Variants in PTPRD observed in about 807,000 individuals in gnomAD.
The protein encoded by PTPRD is protein tyrosine phosphatase receptor type D.
A neutral mutation model predicts 214.5 loss-of-function variants in PTPRD; 34 were observed. The observed-to-expected ratio is 0.16, with a 90% CI of 0.12 to 0.21. PTPRD has a LOEUF of 0.21. PTPRD is among the 10% of genes least tolerant of loss of function. The pLI, the probability that PTPRD is intolerant of heterozygous loss-of-function variation, is 1.00. For synonymous variants in PTPRD, 1,128 were observed against 845.7 expected (o/e 1.33, Z -5.79); for missense variants, 2,545 against 2,398.7 (o/e 1.06, Z -1.27).
intron 12 of PTPRD, among the ~76,000 whole-genome samples, chr9:8,638,842 TTTTA>T (rs1020074304): frequency 6.6e-6 from 1 of 152,010 alleles, no homozygotes; most frequent in Non-Finnish European, 1.5e-5. Context: ...TTTTATTTAT[TTTTA>T]TTTATTTATT....
At chr9:9,616,341 A>G (rs2094859531) in intron 7 of PTPRD, among the ~76,000 whole-genome samples, 1 of 152,172 alleles carries the variant, frequency 6.6e-6, no homozygotes, top group Non-Finnish European at 1.5e-5. Flanking sequence ...TGGCAAGCCT[A>G]CAAGAGAAGT....
intron 2 of PTPRD, among the ~76,000 whole-genome samples, chr9:10,377,611 G>C (rs1456972375): frequency 6.6e-6 from 1 of 151,962 alleles, no homozygotes. Flanking sequence ...TCCCTACAAA[G>C]GACATGAACT....
In PTPRD at chr9:9,944,899, G is replaced by A. The variant is rs149378642; in HGVS notation, c.-471-6289C>T. Among the ~76,000 whole-genome samples, 445 of 152,152 alleles carry A rather than the reference G, an allele frequency of 2.9e-3. 2 individuals are homozygous for A. Among genetic ancestry groups the A allele is most frequent in the Non-Finnish European group, 4.6e-3 (315 of 67,986 alleles). On this transcript the variant is annotated intron_variant, in intron 4 of 45. Transcript: ENST00000381196. ...GTCCAGTTTGGCCAGATGTAGAGAT[G>A]AGACTGAAGGAAGTTAAAATGAGAA...
intron 8 of PTPRD, among the ~76,000 whole-genome samples, chr9:9,439,316 A>G (rs929868567): frequency 6.6e-6 from 1 of 152,170 alleles, no homozygotes; most frequent in Non-Finnish European, 1.5e-5. Context: ...CATGCATAAC[A>G]TACTCTGATG....
chr9:8,858,779 A>AGGTG (rs1273379410), intron 11 of PTPRD, among the ~76,000 whole-genome samples: 1 of 146,480 alleles, frequency 6.8e-6, no homozygotes, highest in Non-Finnish European at 1.5e-5. Flanking sequence ...CAGGCAGGAG[A>AGGTG]GGTGGGTGAA....
At chr9:8,453,933 C>T (rs1258895576) in intron 33 of PTPRD, among the ~76,000 whole-genome samples, 1 of 151,986 alleles carries the variant, frequency 6.6e-6, no homozygotes, top group Admixed American at 6.6e-5. Context: ...TAATTTTAAT[C>T]GGGAATTTAT....
intron 14 of PTPRD, among the ~76,000 whole-genome samples, chr9:8,547,125 C>A (rs908181036): frequency 3.3e-5 from 5 of 152,124 alleles, no homozygotes; most frequent in Non-Finnish European, 7.4e-5. Context: ...ATTGTAGATA[C>A]AACCTTTTAA....
chr9:9,426,874 A>G (rs748783405), intron 8 of PTPRD, among the ~76,000 whole-genome samples: 1 of 152,192 alleles, frequency 6.6e-6, no homozygotes, highest in Admixed American at 6.5e-5. Context: ...ACTAACAAAC[A>G]GAAAGGGCAT....
intron 12 of PTPRD, among the ~76,000 whole-genome samples, chr9:8,662,068 C>A (rs2097068296): frequency 6.6e-6 from 1 of 152,150 alleles, no homozygotes; most frequent in African/African-American, 2.4e-5. Flanking sequence ...ATATGCATAC[C>A]ACCAGAGCCA....
At chr9:8,694,523 T>A (rs2097867907) in intron 12 of PTPRD, among the ~76,000 whole-genome samples, 1 of 152,176 alleles carries the variant, frequency 6.6e-6, no homozygotes, top group African/African-American at 2.4e-5. Context: ...GAAAAATATG[T>A]TTAGGTAGGA....
chr9:9,518,165 C>G (rs1433246554), intron 8 of PTPRD, among the ~76,000 whole-genome samples: 5 of 151,924 alleles, frequency 3.3e-5, no homozygotes, highest in Admixed American at 3.3e-4. Flanking sequence ...CTTTTAGAAG[C>G]AAATTAGGTG....
At chr9:9,241,326 A>G (rs1349184617) in intron 9 of PTPRD, among the ~76,000 whole-genome samples, 11 of 152,170 alleles carry the variant, frequency 7.2e-5, no homozygotes, top group Admixed American at 7.2e-4. Context: ...CAAAATTTGG[A>G]AATTATTTGT....
At chr9:9,706,711 A>G (rs1251628734) in intron 7 of PTPRD, among the ~76,000 whole-genome samples, 1 of 152,222 alleles carries the variant, frequency 6.6e-6, no homozygotes, top group East Asian at 1.9e-4. Context: ...AAGTGCTAGC[A>G]TTGCAGGCAT....
At chr9:8,332,159 T>TG in intron 43 of PTPRD, among the ~76,000 whole-genome samples, 1 of 152,172 alleles carries the variant, frequency 6.6e-6, no homozygotes, top group Non-Finnish European at 1.5e-5. Context: ...CTAATTACTT[T>TG]GTAATAAATA....
intron 7 of PTPRD, among the ~76,000 whole-genome samples, chr9:9,607,577 T>C (rs2094245996): frequency 6.6e-6 from 1 of 152,074 alleles, no homozygotes; most frequent in Admixed American, 6.6e-5. Flanking sequence ...CCATCCTCAG[T>C]CTATCCAGAA....
intron 4 of PTPRD, among the ~76,000 whole-genome samples, chr9:9,964,571 T>A (rs1194826757): frequency 6.6e-6 from 1 of 152,204 alleles, no homozygotes; most frequent in Admixed American, 6.5e-5. Context: ...TGACGTGGGT[T>A]AGGAGTGGGG....
chr9:9,054,294 T>C (rs2154396646), intron 10 of PTPRD, among the ~76,000 whole-genome samples: 1 of 152,290 alleles, frequency 6.6e-6, no homozygotes, highest in African/African-American at 2.4e-5. Context: ...ATTCAATATA[T>C]TGAGACACTT....
intron 12 of PTPRD, among the ~76,000 whole-genome samples, chr9:8,717,516 G>A (rs571271426): frequency 6.6e-6 from 1 of 152,136 alleles, no homozygotes; most frequent in African/African-American, 2.4e-5. Flanking sequence ...ACCCTCCAAC[G>A]CATCCTCCAC....
At chr9:9,618,098 A>AAAAAAAAAAAAC (rs2095007896) in intron 7 of PTPRD, among the ~76,000 whole-genome samples, 1 of 147,710 alleles carries the variant, frequency 6.8e-6, no homozygotes, top group Non-Finnish European at 1.5e-5. Flanking sequence ...AAAAAAAAAA[A>AAAAAAAAAAAAC]AAAAAAGATT....
Sources: gnomAD v4.1 joint callset for allele counts (sites outside exome capture counted in the v4.1 genomes callset) on GRCh38, gnomAD v4.1.1 for gene constraint, MANE v1.5 for transcripts, NCBI Gene and HGNC (gene_info 2026-07-23, HGNC 2026-07-21) for gene names.